The following SORCS1 variants were observed in gnomAD, a reference collection of about 807,000 sequenced individuals.
The protein encoded by SORCS1 is sortilin related VPS10 domain containing receptor 1, also known as VPS10 domain-containing receptor SorCS1.
SORCS1 carries 60 observed loss-of-function variants against 146.1 expected under a neutral mutation model. That is an observed-to-expected ratio of 0.41 (90% confidence interval 0.33 to 0.51). SORCS1 has a LOEUF of 0.51. Ranked by LOEUF, SORCS1 falls within the 20% of genes least tolerant of loss-of-function variation. The probability of loss-of-function intolerance (pLI) is 0.21; values close to 1 mark genes in which losing one functional copy is unlikely to be tolerated. For synonymous variants in SORCS1, 637 were observed against 584.0 expected (o/e 1.09, Z -1.31); for missense variants, 1,352 against 1,487.6 (o/e 0.91, Z 1.50).
At chr10:106,708,558 A>G (rs1402652746) in intron 7 of SORCS1, among the ~76,000 whole-genome samples, 1 of 152,244 alleles carries the variant, frequency 6.6e-6, no homozygotes, top group Non-Finnish European at 1.5e-5. Flanking sequence ...GCTGAAAAGC[A>G]GTGCAGCGTA....
chr10:106,692,307 G>T (rs980062724), intron 9 of SORCS1, among the ~76,000 whole-genome samples: 2 of 152,132 alleles, frequency 1.3e-5, no homozygotes, highest in African/African-American at 4.8e-5. Flanking sequence ...GCTCAAGCAA[G>T]CCACCTGCCT....
rs1194454794 is a variant in SORCS1 at position 106,576,018 on chromosome 10, C to T, written c.*1402G>A. On this transcript the variant is annotated 3_prime_UTR_variant, in exon 26 of 26. Coordinates refer to ENST00000263054, the MANE Select transcript of SORCS1 (RefSeq NM_052918.5). ...GATTTTCGTTAAGGTGTGAGAACACCACAATTCATCTCTATGCTTTCTTTT... is the reference window on the plus strand; with the variant it reads ...GATTTTCGTTAAGGTGTGAGAACACTACAATTCATCTCTATGCTTTCTTTT... 2 of 152,406 alleles carry T rather than the reference C, an allele frequency of 1.3e-5. No homozygotes were observed. Among genetic ancestry groups the T allele is most frequent in the African/African-American group, 4.8e-5 (2 of 41,448 alleles). The allele number at this position is 152,406 out of a possible 1,614,324, so 9.4% of individuals were successfully genotyped here.
chr10:106,793,047 G>A lies in SORCS1; in HGVS notation c.727-16355C>T, dbSNP rs184977001. Among the ~76,000 whole-genome samples the A allele has an allele frequency of 2.4e-3, 359 of 151,796 alleles. 4 individuals carry two copies. Among genetic ancestry groups the A allele is most frequent in the African/African-American group, 8.3e-3 (343 of 41,370 alleles). Reference sequence around the variant, plus strand: ...TGACAGTCCCTGTGCTTAAGACTTGGGATTAAATAATGAAAAAGACACTAA... The same window carrying A: ...TGACAGTCCCTGTGCTTAAGACTTGAGATTAAATAATGAAAAAGACACTAA... On this transcript the variant is annotated intron_variant, in intron 3 of 25. Transcript: ENST00000263054.
chr10:106,758,613 C>T (rs1215336149), intron 5 of SORCS1, among the ~76,000 whole-genome samples: 3 of 152,176 alleles, frequency 2.0e-5, no homozygotes, highest in Non-Finnish European at 4.4e-5. Context: ...GCACATATAA[C>T]ACCCCCAAAA....
chr10:106,615,849 G>A (rs1241710915), intron 21 of SORCS1, among the ~76,000 whole-genome samples: 1 of 152,138 alleles, frequency 6.6e-6, no homozygotes, highest in African/African-American at 2.4e-5. Flanking sequence ...AGAGGAAGAA[G>A]CAAGCATAGC....
At chr10:106,804,812 G>A (rs922026444) in intron 3 of SORCS1, among the ~76,000 whole-genome samples, 2 of 152,110 alleles carry the variant, frequency 1.3e-5, no homozygotes, top group African/African-American at 4.8e-5. Flanking sequence ...CAGAATTAAA[G>A]CAGGTGGTCC....
intron 1 of SORCS1, among the ~76,000 whole-genome samples, chr10:107,042,032 C>G (rs180844456): frequency 6.6e-6 from 1 of 152,134 alleles, no homozygotes; most frequent in Non-Finnish European, 1.5e-5. Context: ...CTATTTCAAG[C>G]AAAGAGATGG....
At chr10:106,591,014 G>A (rs1000535318) in intron 24 of SORCS1, among the ~76,000 whole-genome samples, 1 of 152,184 alleles carries the variant, frequency 6.6e-6, no homozygotes, top group Non-Finnish European at 1.5e-5. Flanking sequence ...CACGAGAGAT[G>A]GGGAGGACAA....
At chr10:106,718,701 T>C (rs923097374) in intron 6 of SORCS1, among the ~76,000 whole-genome samples, 1 of 152,248 alleles carries the variant, frequency 6.6e-6, no homozygotes, top group Non-Finnish European at 1.5e-5. Context: ...TCCTGCTGAT[T>C]GGTCCATTTT....
chr10:106,947,089 A>G (rs1954383541), intron 2 of SORCS1, among the ~76,000 whole-genome samples: 1 of 152,214 alleles, frequency 6.6e-6, no homozygotes, highest in South Asian at 2.1e-4. Context: ...ACCCATTAAA[A>G]TACACTGAGA....
chr10:106,938,773 C>A (rs1377918157), intron 2 of SORCS1, among the ~76,000 whole-genome samples: 1 of 152,212 alleles, frequency 6.6e-6, no homozygotes, highest in Non-Finnish European at 1.5e-5. Context: ...AGCATCAGAA[C>A]ATCAACCCCT....
rs561087396 is a variant in SORCS1, at chr10:106,575,120, A to G, written c.*2300T>C. 6.6e-6 allele frequency: 1 copy of G among 152,604 alleles called. No individual in the cohort carries two copies. The highest frequency in any genetic ancestry group is 1.9e-4 in the East Asian group (1 of 5,198). 9.5% of individuals were successfully genotyped at this position (152,604 alleles called of 1,614,324 possible). A position where few individuals can be genotyped will look rare whatever the true frequency, so the allele number is the denominator to read the frequency against. On this transcript the variant is annotated 3_prime_UTR_variant, in exon 26 of 26. Transcript: ENST00000263054. ...TGAGTGAGCCTCTTTTGATTTTCCA[A>G]CACTTTGTCTTCCACATTAAATTTG... is the stretch of plus-strand genomic sequence containing the variant.
At chr10:106,775,820 G>A (rs74234569) in intron 4 of SORCS1, among the ~76,000 whole-genome samples, 7,156 of 152,150 alleles carry the variant, frequency 0.047, 273 homozygotes, top group East Asian at 0.11. Context: ...GCTATTGCTA[G>A]CCTTTTATTC....
At chr10:106,999,882 T>C (rs1398013277) in intron 1 of SORCS1, among the ~76,000 whole-genome samples, 1 of 152,012 alleles carries the variant, frequency 6.6e-6, no homozygotes, top group African/African-American at 2.4e-5. Flanking sequence ...AAGAGTAACA[T>C]TGGATTTGGT....
In SORCS1 at chr10:106,574,802, G is replaced by A. The variant is rs182026887; in HGVS notation, c.*2618C>T. On this transcript the variant is annotated 3_prime_UTR_variant, in exon 26 of 26. Coordinates refer to ENST00000263054, the MANE Select transcript of SORCS1 (RefSeq NM_052918.5). ...CTTGCCTCACTAATCTCCTACAGAT[G>A]GGAGGGAGCTTTGAGGAGAGGCACA... 6.6e-6 allele frequency: 1 copy of A among 152,562 alleles called. No individual in the cohort carries two copies. Among genetic ancestry groups the A allele is most frequent in the East Asian group, 1.9e-4 (1 of 5,146 alleles). 9.5% of individuals were successfully genotyped at this position (152,562 alleles called of 1,614,324 possible). A position where few individuals can be genotyped will look rare whatever the true frequency, so the allele number is the denominator to read the frequency against.
At chr10:106,671,486 C>CT (rs1359068086) in intron 15 of SORCS1, 119 bp from the exon 16 acceptor site, 1 of 1,393,736 alleles carries the variant, frequency 7.2e-7, no homozygotes, top group Non-Finnish European at 9.8e-7. Context: ...TTTGGTAGCC[C>CT]TCTTTGTGCT....
At chr10:106,799,057 G>A (rs1433313417) in intron 3 of SORCS1, among the ~76,000 whole-genome samples, 1 of 152,104 alleles carries the variant, frequency 6.6e-6, no homozygotes, top group Non-Finnish European at 1.5e-5. Flanking sequence ...ACAGAACAGA[G>A]CCCTCAGAAA....
chr10:106,631,022 T>C (rs2133588901), intron 18 of SORCS1, among the ~76,000 whole-genome samples: 1 of 152,348 alleles, frequency 6.6e-6, no homozygotes, highest in African/African-American at 2.4e-5. Context: ...CAAAAACCTT[T>C]GAACTAGAAA....
intron 1 of SORCS1, among the ~76,000 whole-genome samples, chr10:107,043,137 A>G (rs1002779592): frequency 3.9e-5 from 6 of 152,226 alleles, no homozygotes; most frequent in Non-Finnish European, 1.5e-5. Context: ...TCTGTAAGAC[A>G]AACCTTTTTA....
Sources: allele counts gnomAD v4.1 joint callset (sites outside exome capture counted in the v4.1 genomes callset), GRCh38; gene constraint gnomAD v4.1.1; transcripts MANE v1.5; gene names NCBI Gene and HGNC (gene_info 2026-07-23, HGNC 2026-07-21).